CPNE4: variants seen among roughly 807,000 people sequenced by gnomAD.
CPNE4 encodes copine-4.
In CPNE4, 25 loss-of-function variants were observed where a neutral mutation model predicts 67.9. The observed-to-expected ratio is 0.37, with a 90% CI of 0.27 to 0.51. CPNE4 has a LOEUF of 0.51. Ranked by LOEUF, CPNE4 falls within the 20% of genes least tolerant of loss-of-function variation. The pLI, the probability that CPNE4 is intolerant of heterozygous loss-of-function variation, is 0.93. For missense variants in CPNE4, 464 were observed against 690.8 expected (o/e 0.67, Z 3.68); for synonymous variants, 242 against 244.9 (o/e 0.99, Z 0.11).
chr3:131,674,379 G>A (rs2080504952), intron 6 of CPNE4, among the ~76,000 whole-genome samples: 6 of 151,868 alleles, frequency 4.0e-5, no homozygotes, highest in Admixed American at 3.9e-4. Context: ...AGTTCAGGTA[G>A]GATTGGTATT....
At chr3:131,967,577 T>A (rs139170265) in intron 1 of CPNE4, among the ~76,000 whole-genome samples, 233 of 152,182 alleles carry the variant, frequency 1.5e-3, no homozygotes, top group Admixed American at 4.3e-3. Context: ...TATACACCAA[T>A]AATAGACAAA....
chr3:131,843,266 A>G (rs1230595412), intron 2 of CPNE4, among the ~76,000 whole-genome samples: 1 of 152,180 alleles, frequency 6.6e-6, no homozygotes, highest in Non-Finnish European at 1.5e-5. Context: ...CTGGCAGAAA[A>G]TCAGAGAATC....
At chr3:131,868,415 A>C (rs1014044508) in intron 2 of CPNE4, among the ~76,000 whole-genome samples, 4 of 152,182 alleles carry the variant, frequency 2.6e-5, no homozygotes, top group Non-Finnish European at 5.9e-5. Flanking sequence ...CTTGAACCAC[A>C]GGGTAGAACT....
At chr3:131,998,469 TTC>T (rs1349040120) in intron 1 of CPNE4, among the ~76,000 whole-genome samples, 2 of 152,136 alleles carry the variant, frequency 1.3e-5, no homozygotes, top group Non-Finnish European at 2.9e-5. Context: ...CTCTAGCAAT[TTC>T]TCTCTGAACA....
chr3:131,959,349 A>G (rs2107915901), intron 1 of CPNE4, among the ~76,000 whole-genome samples: 2 of 152,002 alleles, frequency 1.3e-5, no homozygotes, highest in South Asian at 2.1e-4. Flanking sequence ...TAGAGTTAAT[A>G]ATAAGGACCC....
intron 13 of CPNE4, among the ~76,000 whole-genome samples, chr3:131,550,357 T>C (rs16837026): frequency 0.17 from 25,856 of 152,038 alleles, 2,470 homozygotes; most frequent in African/African-American, 0.26. Context: ...TCGCTCCTCA[T>C]AGCATAATGA....
chr3:131,874,893 A>G (rs1196926639), intron 2 of CPNE4, among the ~76,000 whole-genome samples: 1 of 152,230 alleles, frequency 6.6e-6, no homozygotes, highest in Non-Finnish European at 1.5e-5. Flanking sequence ...TTTCTCACAT[A>G]CCTATCTACA....
chr3:131,922,434 C>T (rs1381307031), intron 1 of CPNE4, among the ~76,000 whole-genome samples: 1 of 152,136 alleles, frequency 6.6e-6, no homozygotes, highest in East Asian at 1.9e-4. Flanking sequence ...CTACCTCATC[C>T]ATAAACTAAG....
intron 1 of CPNE4, among the ~76,000 whole-genome samples, chr3:132,022,487 G>A (rs531843365): frequency 6.6e-6 from 1 of 152,138 alleles, no homozygotes; most frequent in African/African-American, 2.4e-5. Context: ...GGTACAACTT[G>A]CCGTACAATC....
At chr3:131,854,368 C>A (rs1372335245) in intron 2 of CPNE4, among the ~76,000 whole-genome samples, 2 of 151,646 alleles carry the variant, frequency 1.3e-5, no homozygotes, top group Non-Finnish European at 2.9e-5. Flanking sequence ...GGAAGAAGAG[C>A]TTGTAAGGGG....
chr3:132,017,238 C>T (rs751350094), intron 1 of CPNE4, among the ~76,000 whole-genome samples: 1 of 148,106 alleles, frequency 6.8e-6, no homozygotes, highest in African/African-American at 2.5e-5. Flanking sequence ...GAAGAAAAGA[C>T]GAAAGGAAAT....
intron 7 of CPNE4, among the ~76,000 whole-genome samples, chr3:131,635,455 T>C (rs933415664): frequency 2.0e-5 from 3 of 152,252 alleles, no homozygotes; most frequent in African/African-American, 7.2e-5. Context: ...ATTCCTATGC[T>C]GTCTAATAGG....
At chr3:131,823,375 G>C (rs145754362) in intron 2 of CPNE4, among the ~76,000 whole-genome samples, 8 of 152,228 alleles carry the variant, frequency 5.3e-5, no homozygotes, top group South Asian at 2.1e-4. Flanking sequence ...TGACTGCAAC[G>C]CTCTTGAGCC....
chr3:131,711,770 TA>T (rs1353662969), intron 3 of CPNE4, among the ~76,000 whole-genome samples: 1 of 152,240 alleles, frequency 6.6e-6, no homozygotes, highest in Non-Finnish European at 1.5e-5. Flanking sequence ...AAAGTAAAAC[TA>T]TTCTCTTTCC....
chr3:131,595,942 G>C (rs1468872983), intron 7 of CPNE4, among the ~76,000 whole-genome samples: 2 of 152,212 alleles, frequency 1.3e-5, no homozygotes, highest in Non-Finnish European at 2.9e-5. Flanking sequence ...TAGTCAAACT[G>C]ATAGAAGCAG....
At position 131,650,356 on chromosome 3, in the gene CPNE4, G is replaced by A. The variant is rs117169171; in HGVS notation, c.681+19319C>T. Among the ~76,000 whole-genome samples, 76 of 152,248 alleles carry A rather than the reference G, an allele frequency of 5.0e-4. No homozygotes were observed. In the East Asian group the frequency reaches 0.014, roughly 29 times the overall value. On this transcript the variant is annotated intron_variant, in intron 7 of 15. Coordinates refer to ENST00000429747, the MANE Select transcript of CPNE4 (RefSeq NM_130808.3). Reference sequence around the variant, plus strand: ...TTACACAAAAACATGACTACTAGAGGGTGAGAGTTATAGGGGCCACCCTAG... The same window carrying A: ...TTACACAAAAACATGACTACTAGAGAGTGAGAGTTATAGGGGCCACCCTAG...
intron 2 of CPNE4, among the ~76,000 whole-genome samples, chr3:131,831,823 TACTGAC>T (rs1234469987): frequency 1.3e-5 from 2 of 152,212 alleles, no homozygotes; most frequent in African/African-American, 4.8e-5. Flanking sequence ...CCTCCTCACT[TACTGAC>T]TCTGCAGCCT....
At chr3:132,035,944 C>A (rs1290051548), upstream of CPNE4, among the ~76,000 whole-genome samples, 3 of 152,150 alleles carry the variant, frequency 2.0e-5, no homozygotes, top group African/African-American at 7.2e-5. Flanking sequence ...GCCTCTCCAA[C>A]CTGAAGGTTG....
At chr3:131,835,165 T>C (rs911893350) in intron 2 of CPNE4, among the ~76,000 whole-genome samples, 2 of 152,138 alleles carry the variant, frequency 1.3e-5, no homozygotes, top group African/African-American at 2.4e-5. Flanking sequence ...CTATATATTT[T>C]TGTCTCATCT....
Sources: allele counts gnomAD v4.1 joint callset (sites outside exome capture counted in the v4.1 genomes callset), GRCh38; gene constraint gnomAD v4.1.1; transcripts MANE v1.5; gene names NCBI Gene and HGNC (gene_info 2026-07-23, HGNC 2026-07-21).